Variants in PJA2 observed in about 807,000 individuals in gnomAD.
PJA2 encodes praja ring finger ubiquitin ligase 2, also known as E3 ubiquitin-protein ligase Praja-2.
Under a neutral mutation model 69.3 loss-of-function variants are expected in PJA2, and 25 were observed. The ratio of observed to expected loss-of-function variants is 0.36; its 90% CI spans 0.26 to 0.50. The LOEUF (loss-of-function observed/expected upper bound fraction) is 0.50, where lower values mean the gene tolerates loss of function less well. Ranked by LOEUF, PJA2 falls within the 20% of genes least tolerant of loss-of-function variation. PJA2 has a pLI of 0.96. For synonymous variants in PJA2, 308 were observed against 277.8 expected (o/e 1.11, Z -1.08); for missense variants, 809 against 830.2 (o/e 0.97, Z 0.31).
At chr5:109,353,762 C>T (rs1394279706) in intron 7 of PJA2, among the ~76,000 whole-genome samples, 2 of 123,748 alleles carry the variant, frequency 1.6e-5, no homozygotes, top group African/African-American at 6.5e-5. Flanking sequence ...TCTATGATAT[C>T]TAGAGATATC....
Position 109,337,187 on chromosome 5 carries a change from G to C in PJA2, c.*44C>G. The C allele has an allele frequency of 1.3e-6, 2 of 1,561,212 alleles. No individual in the cohort carries two copies. Among genetic ancestry groups the C allele is most frequent in the Non-Finnish European group, 1.7e-6 (2 of 1,154,722 alleles). ...TGCACATGAAATTTAGAAGGAATTT[G>C]CAGATTTACTTTGATACACTGATCT... On this transcript the variant is annotated 3_prime_UTR_variant, in exon 10 of 10. Coordinates refer to ENST00000361189, the MANE Select transcript of PJA2 (RefSeq NM_014819.5).
chr5:109,397,800 AG>A (rs1747451444), intron 1 of PJA2, among the ~76,000 whole-genome samples: 1 of 152,188 alleles, frequency 6.6e-6, no homozygotes, highest in South Asian at 2.1e-4. Flanking sequence ...CTGGGATTAC[AG>A]GCGTGAGCCA....
intron 6 of PJA2, among the ~76,000 whole-genome samples, chr5:109,359,954 G>A (rs544671261): frequency 1.2e-4 from 19 of 152,210 alleles, no homozygotes; most frequent in African/African-American, 1.7e-4. Flanking sequence ...TTACTCATAA[G>A]TGGGTCAGAA....
chr5:109,406,075 G>C (rs537602105), intron 1 of PJA2, among the ~76,000 whole-genome samples: 2 of 129,218 alleles, frequency 1.5e-5, no homozygotes, highest in Admixed American at 9.3e-5. Flanking sequence ...ACGGAGTCTC[G>C]CTCTGTCGCC....
chr5:109,401,376 C>G (rs1457066383), intron 1 of PJA2, among the ~76,000 whole-genome samples: 2 of 152,056 alleles, frequency 1.3e-5, no homozygotes, highest in African/African-American at 4.8e-5. Context: ...GGGAGAATTG[C>G]TTGAGTCTAG....
intron 1 of PJA2, among the ~76,000 whole-genome samples, chr5:109,387,944 T>C (rs1209862331): frequency 2.0e-5 from 3 of 152,196 alleles, no homozygotes; most frequent in African/African-American, 4.8e-5. Context: ...CTTTCTCTGA[T>C]GGAAATGTGG....
chr5:109,371,325 A>C (rs1762671484), intron 4 of PJA2, among the ~76,000 whole-genome samples: 1 of 152,186 alleles, frequency 6.6e-6, no homozygotes, highest in South Asian at 2.1e-4. Context: ...CTTCCTTGTC[A>C]AAAATTCTAT....
At chr5:109,399,904 G>A (rs189564631) in intron 1 of PJA2, among the ~76,000 whole-genome samples, 2 of 152,144 alleles carry the variant, frequency 1.3e-5, no homozygotes, top group East Asian at 3.9e-4. Flanking sequence ...AGATGAAAAT[G>A]GAAATGCAAA....
intron 1 of PJA2, among the ~76,000 whole-genome samples, chr5:109,392,207 GATA>G (rs1240267539): frequency 2.6e-5 from 4 of 152,056 alleles, no homozygotes; most frequent in Non-Finnish European, 4.4e-5. Context: ...AAAAACTTAT[GATA>G]ATAAGAGGCT....
intron 5 of PJA2, 85 bp from the exon 6 acceptor site, chr5:109,363,107 G>T: frequency 8.5e-7 from 1 of 1,177,324 alleles, no homozygotes; most frequent in Non-Finnish European, 1.2e-6. Context: ...CATGCAAGTG[G>T]ATTCTGTTGA....
intron 4 of PJA2, among the ~76,000 whole-genome samples, chr5:109,374,276 T>C (rs1561354854): frequency 3.3e-5 from 5 of 152,208 alleles, no homozygotes; most frequent in Admixed American, 2.0e-4. Context: ...ATACCTAATG[T>C]GCTCCTTCCA....
chr5:109,356,521 T>C (rs1762415597), intron 6 of PJA2, among the ~76,000 whole-genome samples: 1 of 152,090 alleles, frequency 6.6e-6, no homozygotes, highest in Admixed American at 6.6e-5. Flanking sequence ...GAATCCCAAA[T>C]CCCAAACACT....
intron 2 of PJA2, 108 bp from the exon 3 acceptor site, chr5:109,381,811 T>C (rs565563807): frequency 3.4e-6 from 3 of 887,998 alleles, no homozygotes; most frequent in East Asian, 5.3e-5. Context: ...TCAAATCATA[T>C]GCTTCTGAAC....
intron 4 of PJA2, among the ~76,000 whole-genome samples, chr5:109,370,385 G>A (rs765070510): frequency 1.3e-4 from 20 of 152,234 alleles, no homozygotes; most frequent in Non-Finnish European, 2.4e-4. Context: ...TTTATTAACA[G>A]ATGCACTCAA....
At chr5:109,386,904 A>C (rs1303149540) in intron 1 of PJA2, among the ~76,000 whole-genome samples, 1 of 152,194 alleles carries the variant, frequency 6.6e-6, no homozygotes, top group East Asian at 1.9e-4. Context: ...GTATTCTATA[A>C]TTTCACAAAG....
chr5:109,360,567 T>A (rs538258819), intron 6 of PJA2, among the ~76,000 whole-genome samples: 1 of 152,298 alleles, frequency 6.6e-6, no homozygotes, highest in East Asian at 1.9e-4. Flanking sequence ...AACCACATTT[T>A]CACCTTATCA....
chr5:109,400,315 C>CA (rs1376363569), intron 1 of PJA2, among the ~76,000 whole-genome samples: 2 of 150,270 alleles, frequency 1.3e-5, no homozygotes. Flanking sequence ...AAAGATAAGT[C>CA]AAAAGAAATG....
chr5:109,409,912 G>C lies in PJA2; in HGVS notation c.-158C>G, dbSNP rs533101176. On this transcript the variant is annotated 5_prime_UTR_variant, in exon 1 of 10. Transcript: ENST00000361189. ...ACCCGCCACCACCGCCTTCTTCTCC[G>C]CCTCCAACTCCTCCCCCGCCGAACG... 1.1e-5 allele frequency: 2 copies of C among 180,896 alleles called. No individual in the cohort carries two copies. Among genetic ancestry groups the C allele is most frequent in the East Asian group, 1.8e-4 (1 of 5,644 alleles). 11.2% of individuals were successfully genotyped at this position (180,896 alleles called of 1,614,324 possible). A position where few individuals can be genotyped will look rare whatever the true frequency, so the allele number is the denominator to read the frequency against.
chr5:109,383,285 C>A, intron 2 of PJA2, 118 bp downstream of exon 2: 1 of 802,498 alleles, frequency 1.2e-6, no homozygotes, highest in Non-Finnish European at 2.0e-6. Context: ...ATATATGGAT[C>A]AAAACCAGCC....
Sources: allele counts gnomAD v4.1 joint callset (sites outside exome capture counted in the v4.1 genomes callset), GRCh38; gene constraint gnomAD v4.1.1; transcripts MANE v1.5; gene names NCBI Gene and HGNC (gene_info 2026-07-23, HGNC 2026-07-21).